RIMKLB: variants seen among roughly 807,000 people sequenced by gnomAD.
RIMKLB encodes the protein ribosomal modification protein rimK like family member B, also known as beta-citrylglutamate synthase B.
Under a neutral mutation model 32.0 loss-of-function variants are expected in RIMKLB, and 7 were observed. That is an observed-to-expected ratio of 0.22 (90% CI 0.12 to 0.41). The LOEUF is 0.41. Among genes scored for constraint, RIMKLB ranks in the 10% least tolerant of loss-of-function variants. The pLI, the probability that RIMKLB is intolerant of heterozygous loss-of-function variation, is 1.00. For synonymous variants in RIMKLB, 172 were observed against 185.1 expected (o/e 0.93, Z 0.57); for missense variants, 289 against 498.7 (o/e 0.58, Z 4.00).
At chr12:8,690,768 C>G (rs1386029103) in intron 1 of RIMKLB, among the ~76,000 whole-genome samples, 2 of 152,054 alleles carry the variant, frequency 1.3e-5, no homozygotes, top group African/African-American at 4.8e-5. Flanking sequence ...CCTAAAAATA[C>G]AAAAATTAGC....
intron 2 of RIMKLB, among the ~76,000 whole-genome samples, chr12:8,716,725 C>CTTTTTTTTTTTTTTTT (rs71451981): frequency 4.2e-5 from 4 of 95,158 alleles, no homozygotes; most frequent in African/African-American, 1.2e-4. Flanking sequence ...TCTTTTCCTT[C>CTTTTTTTTTTTTTTTT]TTTTTTTTTT....
rs1457411834 is a variant in RIMKLB, at chr12:8,776,940, C to G, written c.*3156C>G. On this transcript the variant is annotated 3_prime_UTR_variant, in exon 6 of 6. Transcript: ENST00000535829. ...CATTCAGTGAATCCCCAGTTTGGGGCTTGTGGGGCTTAGAGACATTGTGAA... is the reference window on the plus strand; with the variant it reads ...CATTCAGTGAATCCCCAGTTTGGGGGTTGTGGGGCTTAGAGACATTGTGAA... 3 of 985,662 alleles carry G rather than the reference C, an allele frequency of 3.0e-6. No homozygotes were observed. The highest frequency in any genetic ancestry group is 3.6e-6 in the Non-Finnish European group (3 of 829,894). 61.1% of individuals were successfully genotyped at this position (985,662 alleles called of 1,614,324 possible). A position where few individuals can be genotyped will look rare whatever the true frequency, so the allele number is the denominator to read the frequency against.
chr12:8,681,480 A>G (rs1385422850), upstream of RIMKLB: 1 of 152,224 alleles, frequency 6.6e-6, no homozygotes. Flanking sequence ...TTGCGTAACC[A>G]TCAGTCACAC....
intron 1 of RIMKLB, among the ~76,000 whole-genome samples, chr12:8,707,735 A>C (rs1565557506): frequency 6.6e-6 from 1 of 152,204 alleles, no homozygotes; most frequent in Non-Finnish European, 1.5e-5. Flanking sequence ...AGCATACAGA[A>C]AGACATCATT....
chr12:8,732,997 C>T (rs1946689437), intron 2 of RIMKLB, among the ~76,000 whole-genome samples: 4 of 152,100 alleles, frequency 2.6e-5, no homozygotes, highest in African/African-American at 7.2e-5. Context: ...AATAAGTCAG[C>T]TATAAACAAA....
At chr12:8,669,659 A>C in the RIMKLB span, among the ~76,000 whole-genome samples, 1 of 152,136 alleles carries the variant, frequency 6.6e-6, no homozygotes, top group Admixed American at 6.6e-5. Context: ...GCAGAGAGAA[A>C]AGAAGGAAAT....
chr12:8,782,414 CAT>C (rs534118696), intron 7 of RIMKLB, among the ~76,000 whole-genome samples: 2 of 151,990 alleles, frequency 1.3e-5, no homozygotes, highest in Non-Finnish European at 2.9e-5. Flanking sequence ...TACACACACA[CAT>C]ATATATATTT....
At position 8,775,353 on chromosome 12, in the gene RIMKLB, G is replaced by A. The variant is rs1950669482; in HGVS notation, c.*1569G>A. On this transcript the variant is annotated 3_prime_UTR_variant, in exon 6 of 6. Transcript: ENST00000535829. Reference sequence around the variant, plus strand: ...CAGAATTTATAAAAGCCCCCAAACTGCATATAATATGAGCCTTTAAAACAT... The same window carrying A: ...CAGAATTTATAAAAGCCCCCAAACTACATATAATATGAGCCTTTAAAACAT... 3 of 985,282 alleles carry A rather than the reference G, an allele frequency of 3.0e-6. No homozygotes were observed. In the Admixed American group the frequency reaches 1.8e-4, roughly 60 times the overall value. 61.0% of individuals were successfully genotyped at this position (985,282 alleles called of 1,614,324 possible).
At chr12:8,720,960 C>T (rs1356939428) in intron 2 of RIMKLB, among the ~76,000 whole-genome samples, 3 of 152,172 alleles carry the variant, frequency 2.0e-5, no homozygotes, top group African/African-American at 7.2e-5. Context: ...ATTTAATACC[C>T]TGGAACCAGG....
chr12:8,781,912 C>G (rs1951083872), downstream of RIMKLB, among the ~76,000 whole-genome samples: 1 of 151,922 alleles, frequency 6.6e-6, no homozygotes, highest in Admixed American at 6.5e-5. Flanking sequence ...CACCCAACTA[C>G]TTATTTAACT....
chr12:8,758,168 T>C lies in RIMKLB; in HGVS notation c.697+4075T>C, dbSNP rs767058397. The stretch of plus-strand genomic sequence containing the variant: ...TCTGTTTGCTTTTTTTTAGTGCATA[T>C]TCTGGTATCTCATCTATGAATTGCC... On this transcript the variant is annotated intron_variant, in intron 5 of 5. Transcript: ENST00000535829. Among the ~76,000 whole-genome samples, 7 of 152,286 alleles carry C rather than the reference T, an allele frequency of 4.6e-5. No homozygotes were observed. In the South Asian group the frequency reaches 1.5e-3, roughly 32 times the overall value.
chr12:8,751,045 T>C (rs10771020), intron 3 of RIMKLB, among the ~76,000 whole-genome samples: 29,902 of 152,122 alleles, frequency 0.2, 3,253 homozygotes, highest in East Asian at 0.4. Flanking sequence ...GTATGGCATG[T>C]GTGGACGCAG....
chr12:8,742,095 T>C (rs1247131326), intron 2 of RIMKLB, among the ~76,000 whole-genome samples: 2 of 151,534 alleles, frequency 1.3e-5, no homozygotes, highest in African/African-American at 2.4e-5. Flanking sequence ...AGATGGGGTT[T>C]CACCATGTTG....
Position 8,777,037 on chromosome 12 carries a change from A to G in RIMKLB, c.*3253A>G. ...AGGTTTATGGGCTATTTGGCTGGTG[A>G]GACACGATCCCCTCCTAAGAAAATG... On this transcript the variant is annotated 3_prime_UTR_variant, in exon 6 of 6. Transcript: ENST00000535829. The G allele has an allele frequency of 1.0e-6, 1 of 985,770 alleles. No individual in the cohort carries two copies. Among genetic ancestry groups the G allele is most frequent in the Non-Finnish European group, 1.2e-6 (1 of 829,950 alleles). The allele number at this position is 985,770 out of a possible 1,614,324, so 61.1% of individuals were successfully genotyped here.
chr12:8,717,352 T>C (rs1944964151), intron 2 of RIMKLB, among the ~76,000 whole-genome samples: 2 of 152,228 alleles, frequency 1.3e-5, no homozygotes, highest in Admixed American at 1.3e-4. Context: ...ACACATTATC[T>C]GTGCAATGTT....
chr12:8,765,637 G>C (rs959869125), intron 5 of RIMKLB, among the ~76,000 whole-genome samples: 2 of 152,124 alleles, frequency 1.3e-5, no homozygotes, highest in African/African-American at 2.4e-5. Flanking sequence ...CATGCACTCT[G>C]ACTGGGCCGA....
chr12:8,678,507 T>TC (rs1942358184), upstream of RIMKLB, among the ~76,000 whole-genome samples: 1 of 151,006 alleles, frequency 6.6e-6, no homozygotes, highest in South Asian at 2.1e-4. Flanking sequence ...ATTTTGTTTT[T>TC]AATAGAGACG....
At chr12:8,744,264 A>G (rs760431689) in intron 2 of RIMKLB, among the ~76,000 whole-genome samples, 2 of 152,036 alleles carry the variant, frequency 1.3e-5, no homozygotes, top group South Asian at 4.1e-4. Flanking sequence ...GAATAACATC[A>G]GGTATTTGTT....
chr12:8,681,686 G>C (rs1942411482), exon 1 of RIMKLB: 1 of 152,152 alleles, frequency 6.6e-6, no homozygotes, highest in Admixed American at 6.6e-5. Context: ...TGAGCTTCCG[G>C]GTTTATGGAT....
Sources: allele counts gnomAD v4.1 joint callset (sites outside exome capture counted in the v4.1 genomes callset), GRCh38; gene constraint gnomAD v4.1.1; transcripts MANE v1.5; gene names NCBI Gene and HGNC (gene_info 2026-07-23, HGNC 2026-07-21).